Variants in SCHIP1 observed in about 807,000 individuals in gnomAD.
The protein encoded by SCHIP1 is schwannomin interacting protein 1, also known as schwannomin-interacting protein 1.
Under a neutral mutation model 29.7 loss-of-function variants are expected in SCHIP1, and 8 were observed. That is an observed-to-expected ratio of 0.27 (90% CI 0.16 to 0.49). The LOEUF is 0.49. SCHIP1 is among the 20% of genes least tolerant of loss of function. The probability of loss-of-function intolerance (pLI) is 0.99; values close to 1 mark genes in which losing one functional copy is unlikely to be tolerated. For synonymous variants in SCHIP1, 76 were observed against 94.9 expected (o/e 0.80, Z 1.16); for missense variants, 193 against 294.6 (o/e 0.66, Z 2.52).
the SCHIP1 span, among the ~76,000 whole-genome samples, chr3:159,772,964 C>T: frequency 6.6e-6 from 1 of 152,168 alleles, no homozygotes; most frequent in Non-Finnish European, 1.5e-5. Context: ...TAGTCTCGAA[C>T]TCCTGACCTC....
At chr3:159,441,859 C>CTAT in the SCHIP1 span, among the ~76,000 whole-genome samples, 29 of 151,300 alleles carry the variant, frequency 1.9e-4, no homozygotes, top group East Asian at 5.8e-4. Flanking sequence ...ATTATTATTA[C>CTAT]TATTATTATT....
chr3:159,694,595 A>AGAAAGAAAGAAG, the SCHIP1 span, among the ~76,000 whole-genome samples: 6 of 137,506 alleles, frequency 4.4e-5, no homozygotes, highest in African/African-American at 1.6e-4. Flanking sequence ...AAAGAAAGAA[A>AGAAAGAAAGAAG]GAAAGAAAGA....
the SCHIP1 span, among the ~76,000 whole-genome samples, chr3:159,583,441 T>C: frequency 6.6e-5 from 10 of 152,150 alleles, no homozygotes; most frequent in African/African-American, 2.2e-4. Flanking sequence ...AAAGAAACGC[T>C]CCACTATTTA....
At chr3:159,416,246 G>A in the SCHIP1 span, among the ~76,000 whole-genome samples, 1 of 152,310 alleles carries the variant, frequency 6.6e-6, no homozygotes. Context: ...CAGAGCAAAT[G>A]TGATCTCTCT....
At chr3:159,627,276 T>C in the SCHIP1 span, among the ~76,000 whole-genome samples, 1 of 152,232 alleles carries the variant, frequency 6.6e-6, no homozygotes, top group Non-Finnish European at 1.5e-5. Flanking sequence ...CAGAGAATCT[T>C]CTAAGTTATC....
At chr3:159,290,435 G>T in the SCHIP1 span, among the ~76,000 whole-genome samples, 1 of 151,972 alleles carries the variant, frequency 6.6e-6, no homozygotes. Context: ...TAGCAAAGTG[G>T]GCAGGGATGA....
the SCHIP1 span, chr3:159,401,433 GT>G: frequency 1.1e-6 from 1 of 872,726 alleles, no homozygotes; most frequent in Non-Finnish European, 1.4e-6. Context: ...ATAGCTACCA[GT>G]TTTTTACCCT....
chr3:159,504,055 A>G, the SCHIP1 span, among the ~76,000 whole-genome samples: 1 of 152,222 alleles, frequency 6.6e-6, no homozygotes, highest in Non-Finnish European at 1.5e-5. Context: ...TGTTAAGTAT[A>G]AAAATGACTA....
the SCHIP1 span, among the ~76,000 whole-genome samples, chr3:159,409,927 A>T: frequency 6.6e-6 from 1 of 152,188 alleles, no homozygotes; most frequent in Non-Finnish European, 1.5e-5. Context: ...TAAAACAGAC[A>T]CACAGACCAA....
the SCHIP1 span, among the ~76,000 whole-genome samples, chr3:159,563,962 A>G: frequency 6.6e-6 from 1 of 152,176 alleles, no homozygotes; most frequent in East Asian, 1.9e-4. Flanking sequence ...TCAACAAAGC[A>G]CTTACTGCCT....
the SCHIP1 span, among the ~76,000 whole-genome samples, chr3:159,509,395 C>T: frequency 1.3e-5 from 2 of 152,214 alleles, no homozygotes; most frequent in Non-Finnish European, 2.9e-5. Flanking sequence ...GAATAGAGCA[C>T]ACTGATGGAT....
chr3:159,276,730 A>C, the SCHIP1 span, among the ~76,000 whole-genome samples: 2 of 152,192 alleles, frequency 1.3e-5, no homozygotes, highest in South Asian at 2.1e-4. Flanking sequence ...CACATTGCTG[A>C]AAGTCCAGGA....
At chr3:159,547,048 A>G in the SCHIP1 span, among the ~76,000 whole-genome samples, 2 of 152,182 alleles carry the variant, frequency 1.3e-5, no homozygotes, top group African/African-American at 2.4e-5. Context: ...AAAGTGTAAA[A>G]GCACTCCTAT....
rs1418287607 is a variant in SCHIP1 at position 159,867,585 on chromosome 3, C to T, written c.149+1304C>T. ...CCAGCATCTCTTCCTCTGCTGGGTG[C>T]CAGCTCTGTCTCAGAACATTCCCTT... is the stretch of plus-strand genomic sequence containing the variant. On this transcript the variant is annotated intron_variant, in intron 2 of 6. Coordinates refer to ENST00000445224, the Ensembl canonical transcript of SCHIP1. Among the ~76,000 whole-genome samples the T allele has an allele frequency of 2.6e-5, 4 of 152,128 alleles. No individual in the cohort carries two copies. The East Asian group carries it at 7.7e-4, about 29-fold the overall frequency.
the SCHIP1 span, among the ~76,000 whole-genome samples, chr3:159,526,574 C>A: frequency 0.012 from 1,827 of 152,314 alleles, 40 homozygotes; most frequent in African/African-American, 0.042. Context: ...CTGACTCCAA[C>A]GCTGACTTGT....
At chr3:159,653,546 A>G in the SCHIP1 span, among the ~76,000 whole-genome samples, 1 of 132,730 alleles carries the variant, frequency 7.5e-6, no homozygotes, top group Non-Finnish European at 1.6e-5. Context: ...ATGAGAACAC[A>G]TGGACCCAGG....
the SCHIP1 span, chr3:159,765,253 C>T: frequency 2.4e-6 from 3 of 1,256,364 alleles, no homozygotes; most frequent in Non-Finnish European, 3.2e-6. Flanking sequence ...CATTCTTCCT[C>T]GAGGGTGGGG....
the SCHIP1 span, among the ~76,000 whole-genome samples, chr3:159,315,711 A>T: frequency 2.0e-5 from 3 of 152,206 alleles, no homozygotes; most frequent in Non-Finnish European, 2.9e-5. Context: ...AGGGAGAGAT[A>T]TTAAACTTAA....
the SCHIP1 span, among the ~76,000 whole-genome samples, chr3:159,677,779 C>T: frequency 6.6e-6 from 1 of 152,152 alleles, no homozygotes; most frequent in African/African-American, 2.4e-5. Flanking sequence ...TTGATTACAC[C>T]TCAACAGTTT....
Sources: allele counts gnomAD v4.1 joint callset (sites outside exome capture counted in the v4.1 genomes callset), GRCh38; gene constraint gnomAD v4.1.1; transcripts MANE v1.5; gene names NCBI Gene and HGNC (gene_info 2026-07-23, HGNC 2026-07-21).